Variants in CMYA5 observed in about 807,000 individuals in gnomAD.
The protein encoded by CMYA5 is cardiomyopathy associated 5, also known as cardiomyopathy-associated protein 5.
CMYA5 carries 246 observed loss-of-function variants against 318.9 expected under a neutral mutation model. The ratio of observed to expected loss-of-function variants is 0.77; its 90% CI spans 0.70 to 0.86. The LOEUF (loss-of-function observed/expected upper bound fraction) is 0.86. Ranked by LOEUF, CMYA5 falls within the 40% of genes least tolerant of loss-of-function variation. CMYA5 has a pLI of 0.00. For missense variants in CMYA5, 4,589 were observed against 4,678.2 expected, an observed-to-expected ratio of 0.98 and a Z score of 0.56; for synonymous variants, 1,641 against 1,729.5, an observed-to-expected ratio of 0.95 and a Z score of 1.27.
intron 1 of CMYA5, among the ~76,000 whole-genome samples, chr5:79,727,298 C>G (rs1012970370): frequency 1.3e-5 from 2 of 152,096 alleles, no homozygotes; most frequent in Non-Finnish European, 2.9e-5. Context: ...ACCAGACCCT[C>G]GTACAATTAA....
intron 9 of CMYA5, among the ~76,000 whole-genome samples, chr5:79,773,970 G>T (rs1298739678): frequency 6.6e-6 from 1 of 152,184 alleles, no homozygotes; most frequent in Non-Finnish European, 1.5e-5. Context: ...TGGAGAGAGG[G>T]CATTGGTTGT....
At chr5:79,785,936 G>T (rs1829074862) in intron 9 of CMYA5, among the ~76,000 whole-genome samples, 1 of 152,142 alleles carries the variant, frequency 6.6e-6, no homozygotes, top group Non-Finnish European at 1.5e-5. Context: ...AGAATAAAAG[G>T]GCCCAAGCTA....
At position 79,731,342 on chromosome 5, in the gene CMYA5, C is replaced by G. The variant is rs774786533; in HGVS notation, c.2577C>G (p.His859Gln). 1.2e-6 allele frequency: 2 copies of G among 1,614,000 alleles called. No individual in the cohort carries two copies. Among genetic ancestry groups the G allele is most frequent in the Non-Finnish European group, 1.7e-6 (2 of 1,179,896 alleles). ...VVASEHSFPP[H>Q]TTEMTSECQA... Reference sequence around the variant, plus strand: ...CATCTGAACACTCTTTCCCACCACACACAACCGAGATGACTTCTGAATGCC... The same window carrying G: ...CATCTGAACACTCTTTCCCACCACAGACAACCGAGATGACTTCTGAATGCC... Residue 859 changes from histidine (H) to glutamine (Q), a missense_variant, in exon 2 of 13, where the codon CAC (histidine) becomes CAG (glutamine). By Grantham distance (24) the His-to-Gln change is conservative (BLOSUM62 0). Transcript: ENST00000446378.
chr5:79,702,026 C>T (rs996148046), intron 1 of CMYA5, among the ~76,000 whole-genome samples: 44 of 152,120 alleles, frequency 2.9e-4, no homozygotes, highest in Non-Finnish European at 1.2e-4. Context: ...ATGGCATGAA[C>T]CCAGGAGGTG....
At chr5:79,778,898 TTA>T (rs1380422539) in intron 9 of CMYA5, among the ~76,000 whole-genome samples, 9 of 127,108 alleles carry the variant, frequency 7.1e-5, no homozygotes, top group African/African-American at 2.3e-4. Context: ...TTATTTATTT[TTA>T]TTTTTTTTTT....
chr5:79,720,778 G>A (rs1454650856), intron 1 of CMYA5, among the ~76,000 whole-genome samples: 1 of 152,076 alleles, frequency 6.6e-6, no homozygotes. Context: ...CTTCAAGAAT[G>A]AAAATGTAAA....
chr5:79,702,703 G>C (rs971590321), intron 1 of CMYA5, among the ~76,000 whole-genome samples: 3 of 152,148 alleles, frequency 2.0e-5, no homozygotes, highest in African/African-American at 7.2e-5. Context: ...GCACAACTCT[G>C]TAAATATACT....
At chr5:79,692,457 C>T (rs1026771893) in intron 1 of CMYA5, among the ~76,000 whole-genome samples, 1 of 152,068 alleles carries the variant, frequency 6.6e-6, no homozygotes, top group Admixed American at 6.5e-5. Context: ...TTTTGTAGTG[C>T]AGGAAAGCTC....
At chr5:79,722,039 A>C (rs946923651) in intron 1 of CMYA5, among the ~76,000 whole-genome samples, 4 of 152,224 alleles carry the variant, frequency 2.6e-5, no homozygotes, top group Non-Finnish European at 5.9e-5. Flanking sequence ...TGAACCCATA[A>C]ACATTTTTCT....
chr5:79,774,897 T>C (rs931501526), intron 9 of CMYA5, among the ~76,000 whole-genome samples: 3 of 152,186 alleles, frequency 2.0e-5, no homozygotes, highest in Admixed American at 2.0e-4. Context: ...ATTTTTCTTT[T>C]CTTTAAATCT....
intron 9 of CMYA5, among the ~76,000 whole-genome samples, chr5:79,787,065 T>G (rs1580806666): frequency 6.6e-6 from 1 of 152,230 alleles, no homozygotes; most frequent in Non-Finnish European, 1.5e-5. Context: ...AATTTTCTCC[T>G]TGACAGACTT....
chr5:79,717,444 T>A (rs554708708), intron 1 of CMYA5, among the ~76,000 whole-genome samples: 1 of 152,162 alleles, frequency 6.6e-6, no homozygotes, highest in Non-Finnish European at 1.5e-5. Context: ...ATTCCAGAAG[T>A]TCAGAGGCAG....
chr5:79,752,510 A>G (rs1828448045), intron 5 of CMYA5, among the ~76,000 whole-genome samples, 166 bp from the exon 6 acceptor site: 1 of 152,236 alleles, frequency 6.6e-6, no homozygotes, highest in South Asian at 2.1e-4. Flanking sequence ...TTTTAGACAT[A>G]TATTTCAAGA....
In CMYA5 at chr5:79,735,258, G is replaced by A. The variant is rs768992517; in HGVS notation, c.6493G>A (p.Asp2165Asn). The A allele has an allele frequency of 3.7e-6, 6 of 1,613,804 alleles. No individual in the cohort carries two copies. In the East Asian group the frequency reaches 1.3e-4, roughly 36 times the overall value. ...PPTQPKVAKPDLPEEKGKKGI... is the reference protein window; with the variant it reads ...PPTQPKVAKPNLPEEKGKKGI... The stretch of plus-strand genomic sequence containing the variant: ...TACACAACCAAAGGTGGCTAAGCCG[G>A]ACCTTCCTGAGGAAAAGGGAAAGAA... The change falls in exon 2 of 13, where the codon GAC (aspartate) becomes AAC (asparagine). Residue 2165 changes from aspartate (D) to asparagine (N), a missense_variant. Transcript: ENST00000446378.
intron 1 of CMYA5, among the ~76,000 whole-genome samples, chr5:79,715,495 G>A (rs907524146): frequency 1.3e-5 from 2 of 151,972 alleles, no homozygotes; most frequent in African/African-American, 2.4e-5. Context: ...CACTGTGTTA[G>A]CCAGGATGGT....
intron 1 of CMYA5, among the ~76,000 whole-genome samples, chr5:79,728,494 G>T (rs1440145624): frequency 1.3e-5 from 2 of 152,082 alleles, no homozygotes; most frequent in African/African-American, 4.8e-5. Flanking sequence ...TAATGGCAGT[G>T]ACTAGGAGGG....
Position 79,733,782 on chromosome 5 carries a change from C to T in CMYA5, c.5017C>T (p.Pro1673Ser), listed in dbSNP as rs753126449. Residue 1673 changes from proline (P) to serine (S), a missense_variant, in exon 2 of 13, where the codon CCA becomes TCA. By Grantham distance (74) the Pro-to-Ser change is moderately conservative. Around this residue, in one of 3 missense-constraint regions of CMYA5, gnomAD observed 2,132 missense variants for 2,131.3 expected, o/e 1.00. Transcript: ENST00000446378. ...AGAGGATTCTGTTTTAGAAAAAGGCCCAGCTGAGCTTAGGAGCAGAGAAGG... is the reference window on the plus strand; with the variant it reads ...AGAGGATTCTGTTTTAGAAAAAGGCTCAGCTGAGCTTAGGAGCAGAGAAGG... ...ETEDSVLEKGPAELRSREGKE... is the reference protein window; with the variant it reads ...ETEDSVLEKGSAELRSREGKE... 2 of 1,613,326 alleles carry T rather than the reference C, an allele frequency of 1.2e-6. No homozygotes were observed. Among genetic ancestry groups the T allele is most frequent in the African/African-American group, 2.7e-5 (2 of 74,816 alleles).
At chr5:79,745,537 C>A in intron 4 of CMYA5, 82 bp downstream of exon 4, 1 of 874,910 alleles carries the variant, frequency 1.1e-6, no homozygotes. Context: ...TTCACTATTC[C>A]TTAAGATTAT....
intron 1 of CMYA5, among the ~76,000 whole-genome samples, chr5:79,699,552 T>G (rs1827137010): frequency 6.6e-6 from 1 of 152,098 alleles, no homozygotes; most frequent in Admixed American, 6.5e-5. Context: ...AAGAGGACAC[T>G]AGAAAGTAGA....
Sources: gnomAD v4.1 joint callset for allele counts (sites outside exome capture counted in the v4.1 genomes callset) on GRCh38, gnomAD v4.1.1 for gene constraint, gnomAD v4.1.1 regional missense constraint, MANE v1.5 for transcripts, NCBI Gene and HGNC (gene_info 2026-07-23, HGNC 2026-07-21) for gene names.